Variants in VWA3B observed in about 807,000 individuals in gnomAD.
The protein encoded by VWA3B is von Willebrand factor A domain containing 3B.
VWA3B carries 138 observed loss-of-function variants against 158.3 expected under a neutral mutation model. The ratio of observed to expected loss-of-function variants is 0.87; its 90% CI spans 0.76 to 1.00. The LOEUF (loss-of-function observed/expected upper bound fraction) is 1.00, where lower values mean the gene tolerates loss of function less well. VWA3B is among the 50% of genes least tolerant of loss of function. VWA3B has a pLI of 0.00. For missense variants in VWA3B, 1,555 were observed against 1,565.1 expected (o/e 0.99, Z 0.11); for synonymous variants, 596 against 587.3 (o/e 1.01, Z -0.21).
At chr2:98,179,152 G>A in intron 8 of VWA3B, 1 of 465,804 alleles carries the variant, frequency 2.1e-6, no homozygotes, top group Non-Finnish European at 4.5e-6. Context: ...TGGGAGATGT[G>A]CACAGCCAGC....
At chr2:98,149,259 G>A (rs1271463866) in intron 7 of VWA3B, among the ~76,000 whole-genome samples, 2 of 152,180 alleles carry the variant, frequency 1.3e-5, no homozygotes, top group Non-Finnish European at 2.9e-5. Context: ...GGTGGAGGGC[G>A]TCCAGGTCCT....
At chr2:98,239,182 G>A (rs987965315) in intron 19 of VWA3B, among the ~76,000 whole-genome samples, 1 of 152,174 alleles carries the variant, frequency 6.6e-6, no homozygotes, top group Admixed American at 6.5e-5. Flanking sequence ...AGGAATCTAT[G>A]TAAGGAAATA....
Position 98,087,350 on chromosome 2 carries a change from C to G in VWA3B, c.-46C>G, listed in dbSNP as rs1424207913. On this transcript the variant is annotated 5_prime_UTR_variant, in exon 1 of 28. Transcript: ENST00000477737. ...AGCGGGAGCCGCCACGTCTTCCACC[C>G]GACATATTGCCTAGTAAGTGTGGGA... 1 of 152,246 alleles carries G rather than the reference C, an allele frequency of 6.6e-6. No individual in the cohort carries two copies. The highest frequency in any genetic ancestry group is 2.4e-5 in the African/African-American group (1 of 41,454). 9.4% of individuals were successfully genotyped at this position (152,246 alleles called of 1,614,324 possible).
chr2:98,149,628 G>A (rs551882294), intron 7 of VWA3B, among the ~76,000 whole-genome samples: 19 of 152,208 alleles, frequency 1.2e-4, no homozygotes, highest in African/African-American at 3.6e-4. Flanking sequence ...TTTTCCATCC[G>A]CCAGGCAAAA....
At chr2:98,305,439 C>T (rs1372089197) in intron 26 of VWA3B, among the ~76,000 whole-genome samples, 2 of 152,148 alleles carry the variant, frequency 1.3e-5, no homozygotes, top group African/African-American at 4.8e-5. Flanking sequence ...CTCATCGACC[C>T]TGAGCTCATC....
chr2:98,112,303 GGT>G (rs956197294), intron 2 of VWA3B, among the ~76,000 whole-genome samples: 44 of 136,782 alleles, frequency 3.2e-4, no homozygotes, highest in Admixed American at 4.3e-4. Flanking sequence ...TGTGTGTGTG[GGT>G]GTGTGTGTGT....
At chr2:98,255,986 G>C (rs1204545111) in intron 20 of VWA3B, 138 bp from the exon 21 acceptor site, 1 of 859,622 alleles carries the variant, frequency 1.2e-6, no homozygotes, top group African/African-American at 1.7e-5. Context: ...CACATCCAGT[G>C]TCTTTAAGCA....
At chr2:98,208,957 TCTC>T (rs1347114527) in intron 12 of VWA3B, among the ~76,000 whole-genome samples, 1 of 152,200 alleles carries the variant, frequency 6.6e-6, no homozygotes, top group African/African-American at 2.4e-5. Flanking sequence ...TAGTTTTCCT[TCTC>T]CTTCAACCCT....
chr2:98,178,885 G>A (rs771228527), intron 8 of VWA3B, among the ~76,000 whole-genome samples: 5 of 152,178 alleles, frequency 3.3e-5, no homozygotes, highest in African/African-American at 7.2e-5. Flanking sequence ...GACATCCTAC[G>A]TGATAGTTCA....
At chr2:98,087,515 G>C (rs1681947841) in intron 1 of VWA3B, among the ~76,000 whole-genome samples, 152 bp downstream of exon 1, 1 of 152,142 alleles carries the variant, frequency 6.6e-6, no homozygotes, top group Non-Finnish European at 1.5e-5. Flanking sequence ...AAAGCTCGGT[G>C]ACTTGCCCTG....
chr2:98,139,836 T>C (rs1676615786), intron 7 of VWA3B, among the ~76,000 whole-genome samples: 1 of 152,076 alleles, frequency 6.6e-6, no homozygotes, highest in South Asian at 2.1e-4. Flanking sequence ...CCAGCAGTGG[T>C]AACCCCCTCA....
chr2:98,106,206 C>T (rs1031351784), intron 2 of VWA3B, among the ~76,000 whole-genome samples: 10 of 152,282 alleles, frequency 6.6e-5, no homozygotes, highest in Admixed American at 1.3e-4. Context: ...TGAGCCACTG[C>T]GCCTGGCCCT....
intron 21 of VWA3B, among the ~76,000 whole-genome samples, chr2:98,262,856 T>A (rs1238270210): frequency 6.6e-6 from 1 of 151,962 alleles, no homozygotes; most frequent in Non-Finnish European, 1.5e-5. Context: ...TTGCATAGAA[T>A]TGTACATCAC....
At chr2:98,101,251 C>T (rs1465341393) in intron 2 of VWA3B, among the ~76,000 whole-genome samples, 2 of 152,088 alleles carry the variant, frequency 1.3e-5, no homozygotes. Flanking sequence ...TAGTGCTGCC[C>T]ACCACAGAAA....
intron 12 of VWA3B, among the ~76,000 whole-genome samples, chr2:98,204,048 A>G (rs1485905018): frequency 6.6e-6 from 1 of 152,246 alleles, no homozygotes; most frequent in Non-Finnish European, 1.5e-5. Context: ...TGTATAGGTT[A>G]TGTGCAAATA....
Position 98,230,201 on chromosome 2 carries a change from C to A in VWA3B, c.2302C>A (p.His768Asn). ...AAAGGTTCAGAAAAAGAAAGTCCTT[C>A]ACGCAGGTATCAGTGAACAAAATGG... ...DQKVQKKKVLHAESTKTSLLR... is the reference protein window; with the variant it reads ...DQKVQKKKVLNAESTKTSLLR... The change falls in exon 16 of 28, where the codon CAC becomes AAC. Residue 768 changes from histidine to asparagine, a missense_variant. Coordinates refer to ENST00000477737, the MANE Select transcript of VWA3B (RefSeq NM_144992.5). 1 of 1,572,178 alleles carries A rather than the reference C, an allele frequency of 6.4e-7. No homozygotes were observed.
In VWA3B at chr2:98,211,991, A is replaced by T; in HGVS notation, c.1799A>T (p.Gln600Leu). The T allele has an allele frequency of 6.2e-7, 1 of 1,614,158 alleles. No individual in the cohort carries two copies. The highest frequency in any genetic ancestry group is 8.5e-7 in the Non-Finnish European group (1 of 1,180,012). Residue 600 changes from glutamine to leucine, a missense_variant, in exon 13 of 28, where the codon CAG (glutamine) becomes CTG (leucine). Coordinates refer to ENST00000477737, the MANE Select transcript of VWA3B (RefSeq NM_144992.5). Reference protein sequence around the residue: ...LKTAFADKETQAIYLLTDGRP... With the variant: ...LKTAFADKETLAIYLLTDGRP... ...ACTGCTTTTGCTGATAAAGAAACAC[A>T]GGCAATCTACCTTCTGACCGATGGG...
At position 98,288,853 on chromosome 2, in the gene VWA3B, T is replaced by A. The variant is rs114759474; in HGVS notation, c.3046-1658T>A. Among the ~76,000 whole-genome samples the A allele has an allele frequency of 6.4e-3, 977 of 152,350 alleles. 8 individuals are homozygous for A. Among genetic ancestry groups the A allele is most frequent in the African/African-American group, 0.022 (933 of 41,572 alleles). On this transcript the variant is annotated intron_variant, in intron 22 of 27. Transcript: ENST00000477737. ...AACTTCTTCAATTCCTGAGTTCACA[T>A]GGTGGTAATACCTATGCTTTTTCTT...
intron 13 of VWA3B, chr2:98,216,998 G>T (rs773776504): frequency 9.6e-7 from 1 of 1,037,822 alleles, no homozygotes; most frequent in South Asian, 1.5e-5. Flanking sequence ...CCCGCACCCA[G>T]TCTCAGGTGG....
Sources: allele counts gnomAD v4.1 joint callset (sites outside exome capture counted in the v4.1 genomes callset), GRCh38; gene constraint gnomAD v4.1.1; transcripts MANE v1.5; gene names NCBI Gene and HGNC (gene_info 2026-07-23, HGNC 2026-07-21).